The following RAD17 variants were observed in gnomAD, a reference collection of about 807,000 sequenced individuals.
RAD17 encodes the protein RAD17 checkpoint clamp loader component, also known as cell cycle checkpoint protein RAD17.
In RAD17, 31 loss-of-function variants were observed where a neutral mutation model predicts 81.5. The observed-to-expected ratio is 0.38, with a 90% CI of 0.29 to 0.51. The LOEUF is 0.51. Ranked by LOEUF, RAD17 falls within the 20% of genes least tolerant of loss-of-function variation. RAD17 has a pLI of 0.88. For missense variants in RAD17, 681 were observed against 781.2 expected, an observed-to-expected ratio of 0.87 and a Z score of 1.53; for synonymous variants, 261 against 266.2, an observed-to-expected ratio of 0.98 and a Z score of 0.19.
chr5:69,384,482 T>A (rs1561248122), intron 7 of RAD17, among the ~76,000 whole-genome samples: 1 of 152,012 alleles, frequency 6.6e-6, no homozygotes, highest in Non-Finnish European at 1.5e-5. Flanking sequence ...ACCTGGCTAA[T>A]TTGTGTATTT....
intron 6 of RAD17, among the ~76,000 whole-genome samples, chr5:69,378,727 A>G (rs1763665117): frequency 6.6e-6 from 1 of 152,150 alleles, no homozygotes; most frequent in Admixed American, 6.5e-5. Flanking sequence ...TCAATTAATG[A>G]TGGGGATACA....
In RAD17 at chr5:69,396,645, G is replaced by GA. The variant is rs139092363; in HGVS notation, c.1572+105dup. The GA allele has an allele frequency of 2.9e-5, 35 of 1,205,560 alleles. No individual in the cohort carries two copies. In the Middle Eastern group the frequency reaches 8.1e-4, roughly 28 times the overall value. The allele number at this position is 1,205,560 out of a possible 1,614,324, so 74.7% of individuals were successfully genotyped here. On this transcript the variant is annotated intron_variant, in intron 16 of 18. Transcript: ENST00000354868. ...TTATTTTCTTTAAAACATAACAAAG[G>GA]AAAAAATATTTCATTTTTAATAAAA...
intron 18 of RAD17, among the ~76,000 whole-genome samples, chr5:69,411,850 G>T (rs991311331): frequency 2.6e-5 from 4 of 152,214 alleles, no homozygotes; most frequent in South Asian, 4.1e-4. Flanking sequence ...TTGCTCCTGA[G>T]ATGTATTGAG....
chr5:69,393,330 A>G (rs1322551698), intron 14 of RAD17, 24 bp from the exon 15 acceptor site: 9 of 1,580,654 alleles, frequency 5.7e-6, no homozygotes, highest in Non-Finnish European at 6.0e-6. Flanking sequence ...TACCAAATTT[A>G]TGTATATATG....
rs1442470052 is a variant in RAD17 at position 69,372,017 on chromosome 5, C to G, written c.-175-17C>G. On this transcript the variant is annotated splice_polypyrimidine_tract_variant and intron_variant, in intron 3 of 18. Transcript: ENST00000354868. ...TAAGTTACTTAACTTTGCTGTTTAT[C>G]TTTCTCTTTTTTTCAGTATATGGGA... 1.7e-6 allele frequency: 2 copies of G among 1,188,408 alleles called. No homozygotes were observed. Among genetic ancestry groups the G allele is most frequent in the African/African-American group, 3.2e-5 (2 of 63,024 alleles). 73.6% of individuals were successfully genotyped at this position (1,188,408 alleles called of 1,614,324 possible). A position where few individuals can be genotyped will look rare whatever the true frequency, so the allele number is the denominator to read the frequency against.
chr5:69,377,122 A>G (rs186978117), intron 6 of RAD17, among the ~76,000 whole-genome samples: 1 of 152,172 alleles, frequency 6.6e-6, no homozygotes, highest in East Asian at 1.9e-4. Flanking sequence ...GTTTAGGGCT[A>G]AGATCATGAA....
In RAD17 at chr5:69,393,366, A is replaced by G. The variant is rs370119296; in HGVS notation, c.1288A>G (p.Met430Val). 27 of 1,591,638 alleles carry G rather than the reference A, an allele frequency of 1.7e-5. No homozygotes were observed. Among genetic ancestry groups the G allele is most frequent in the Non-Finnish European group, 2.1e-5 (24 of 1,169,482 alleles). The change falls in exon 15 of 19, where the codon ATG becomes GTG. Residue 430 changes from methionine (M) to valine (V), a missense_variant. Coordinates refer to ENST00000354868, the MANE Select transcript of RAD17 (RefSeq NM_133338.3). ...LLVEPEEVVE[M>V]SHMPGDLFNL... ...CTTCTTTTTATAGGAGGTAGTAGAA[A>G]TGTCACACATGCCTGGAGACTTATT...
At chr5:69,372,804 T>A (rs1299359368) in intron 4 of RAD17, among the ~76,000 whole-genome samples, 2 of 151,758 alleles carry the variant, frequency 1.3e-5, no homozygotes, top group Non-Finnish European at 2.9e-5. Flanking sequence ...AGAGTTGGGG[T>A]CTCCCTATGT....
intron 12 of RAD17, 65 bp downstream of exon 12, chr5:69,389,210 A>G (rs17229999): frequency 6.9e-5 from 67 of 977,814 alleles, no homozygotes; most frequent in East Asian, 2.3e-4. Context: ...AATTCATTCA[A>G]TGAAATCAAA....
intron 6 of RAD17, among the ~76,000 whole-genome samples, chr5:69,377,560 T>TATAC (rs1554038709): frequency 9.9e-4 from 8 of 8,114 alleles, no homozygotes; most frequent in Admixed American, 1.6e-3. Flanking sequence ...CATATATATG[T>TATAC]ATATATATAT....
intron 6 of RAD17, among the ~76,000 whole-genome samples, chr5:69,376,985 C>G (rs534520711): frequency 7.1e-4 from 108 of 152,218 alleles, no homozygotes; most frequent in African/African-American, 2.2e-3. Flanking sequence ...AACTCCTGAC[C>G]TCAGGTGATT....
intron 4 of RAD17, among the ~76,000 whole-genome samples, chr5:69,373,529 C>T (rs893234542): frequency 2.0e-5 from 3 of 151,910 alleles, no homozygotes; most frequent in Non-Finnish European, 4.4e-5. Flanking sequence ...ATGGCAAAAA[C>T]CCATCTCTAC....
At chr5:69,374,175 A>G in intron 5 of RAD17, 88 bp downstream of exon 5, 1 of 1,165,494 alleles carries the variant, frequency 8.6e-7, no homozygotes, top group Non-Finnish European at 1.2e-6. Context: ...ACATTTTCAG[A>G]TTTTTTACTC....
Position 69,410,382 on chromosome 5 carries a change from A to T in RAD17, c.1694-111A>T, listed in dbSNP as rs926995310. On this transcript the variant is annotated intron_variant, in intron 17 of 18. Coordinates refer to ENST00000354868, the MANE Select transcript of RAD17 (RefSeq NM_133338.3). ...GAATTGGTATCTCACTATGGCTTGGATTTGCATTTCTCTAAAGATTAGTGA... is the reference window on the plus strand; with the variant it reads ...GAATTGGTATCTCACTATGGCTTGGTTTTGCATTTCTCTAAAGATTAGTGA... The T allele has an allele frequency of 1.0e-5, 8 of 780,878 alleles. No homozygotes were observed. The African/African-American group carries it at 1.4e-4, about 14-fold the overall frequency. The allele number at this position is 780,878 out of a possible 1,614,324, so 48.4% of individuals were successfully genotyped here.
upstream of RAD17, chr5:69,369,715 G>A (rs758535619): frequency 6.4e-6 from 10 of 1,550,846 alleles, no homozygotes; most frequent in African/African-American, 1.4e-5. Flanking sequence ...ACTCGGGTCG[G>A]TACTTCGGGT....
chr5:69,369,348 C>T, upstream of RAD17: 1 of 1,210,132 alleles, frequency 8.3e-7, no homozygotes, highest in Non-Finnish European at 1.1e-6. Flanking sequence ...CCTCGTGGCC[C>T]TCGGCCGGCC....
intron 16 of RAD17, among the ~76,000 whole-genome samples, chr5:69,396,947 C>G (rs1764930647): frequency 6.6e-6 from 1 of 152,132 alleles, no homozygotes; most frequent in South Asian, 2.1e-4. Context: ...GTTCTCCTGC[C>G]TCAGCCTCCC....
intron 15 of RAD17, 133 bp from the exon 16 acceptor site, chr5:69,396,264 A>G: frequency 1.1e-6 from 1 of 871,392 alleles, no homozygotes; most frequent in Non-Finnish European, 1.6e-6. Flanking sequence ...GCTGTTATTT[A>G]TAGGGCTGTA....
At chr5:69,370,319 G>A (rs1376532083) in intron 1 of RAD17, 1 of 152,360 alleles carries the variant, frequency 6.6e-6, no homozygotes, top group African/African-American at 2.4e-5. Context: ...AGTGAATAGA[G>A]ACCTGACCGT....
Sources: allele counts gnomAD v4.1 joint callset (sites outside exome capture counted in the v4.1 genomes callset), GRCh38; gene constraint gnomAD v4.1.1; transcripts MANE v1.5; gene names NCBI Gene and HGNC (gene_info 2026-07-23, HGNC 2026-07-21).